Variants in CCSER1 observed in about 807,000 individuals in gnomAD.
CCSER1 encodes coiled-coil serine rich protein 1.
In CCSER1, 41 loss-of-function variants were observed where a neutral mutation model predicts 82.0. That is an observed-to-expected ratio of 0.50 (90% confidence interval 0.39 to 0.65). CCSER1 has a LOEUF of 0.65. Ranked by LOEUF, CCSER1 falls within the 30% of genes least tolerant of loss-of-function variation. CCSER1 has a pLI of 0.00. For missense variants in CCSER1, 1,119 were observed against 1,064.2 expected (o/e 1.05, Z -0.72); for synonymous variants, 414 against 383.9 (o/e 1.08, Z -0.92).
intron 9 of CCSER1, among the ~76,000 whole-genome samples, chr4:91,009,284 C>T (rs190800483): frequency 6.6e-5 from 10 of 152,284 alleles, no homozygotes; most frequent in South Asian, 4.1e-4. Context: ...GTTGCTGGCT[C>T]GAATGCCTAG....
At chr4:90,577,953 A>C (rs1241636984) in intron 5 of CCSER1, among the ~76,000 whole-genome samples, 1 of 152,110 alleles carries the variant, frequency 6.6e-6, no homozygotes, top group Non-Finnish European at 1.5e-5. Context: ...GTGAAGCTTC[A>C]TATTTTCAAA....
intron 9 of CCSER1, among the ~76,000 whole-genome samples, chr4:90,966,372 C>A (rs1581222590): frequency 6.6e-6 from 1 of 152,036 alleles, no homozygotes; most frequent in Admixed American, 6.6e-5. Flanking sequence ...ACTCATCACA[C>A]AAAAGTCTCC....
chr4:91,433,726 A>G (rs1754467004), intron 10 of CCSER1, among the ~76,000 whole-genome samples: 2 of 152,206 alleles, frequency 1.3e-5, no homozygotes, highest in South Asian at 4.1e-4. Flanking sequence ...GTGTAAGTAC[A>G]TCTTATGATA....
At chr4:90,626,622 G>C (rs1560837244) in intron 5 of CCSER1, among the ~76,000 whole-genome samples, 1 of 152,116 alleles carries the variant, frequency 6.6e-6, no homozygotes, top group Admixed American at 6.6e-5. Flanking sequence ...ATGCAGCACT[G>C]TTGTGGTTTA....
intron 5 of CCSER1, among the ~76,000 whole-genome samples, chr4:90,616,740 A>C (rs1055340138): frequency 8.1e-4 from 62 of 76,280 alleles, no homozygotes; most frequent in African/African-American, 3.0e-3. Context: ...CACACACACA[A>C]ATAAAATAAA....
At chr4:90,840,825 A>C (rs1056399693) in intron 8 of CCSER1, among the ~76,000 whole-genome samples, 1 of 152,062 alleles carries the variant, frequency 6.6e-6, no homozygotes, top group Non-Finnish European at 1.5e-5. Context: ...GGCATTTCTC[A>C]TCAGAGAGTA....
At chr4:91,280,769 A>G (rs1394676020) in intron 10 of CCSER1, among the ~76,000 whole-genome samples, 1 of 152,150 alleles carries the variant, frequency 6.6e-6, no homozygotes, top group Admixed American at 6.5e-5. Flanking sequence ...GGTTGCTGCC[A>G]ATGGCTCACA....
intron 9 of CCSER1, among the ~76,000 whole-genome samples, chr4:90,933,559 C>T (rs1730542519): frequency 1.3e-5 from 2 of 151,246 alleles, no homozygotes; most frequent in Admixed American, 6.6e-5. Flanking sequence ...ATTAACTTTT[C>T]TTTGCAGGAG....
chr4:91,141,004 A>T (rs182424103), intron 10 of CCSER1, among the ~76,000 whole-genome samples: 2 of 152,166 alleles, frequency 1.3e-5, no homozygotes, highest in Admixed American at 1.3e-4. Context: ...TACTGTTGCC[A>T]TGTTTATGGT....
intron 10 of CCSER1, among the ~76,000 whole-genome samples, chr4:91,590,394 C>T (rs1396144299): frequency 6.6e-6 from 1 of 152,156 alleles, no homozygotes; most frequent in Non-Finnish European, 1.5e-5. Context: ...GCAGTAACTA[C>T]TTCTTTACAC....
At chr4:90,838,006 C>T (rs1419246928) in intron 8 of CCSER1, among the ~76,000 whole-genome samples, 1 of 151,482 alleles carries the variant, frequency 6.6e-6, no homozygotes, top group Non-Finnish European at 1.5e-5. Flanking sequence ...TAATTTCTAG[C>T]ACATAGTAGC....
intron 9 of CCSER1, among the ~76,000 whole-genome samples, chr4:91,077,614 C>T (rs559088437): frequency 6.6e-6 from 1 of 152,138 alleles, no homozygotes; most frequent in African/African-American, 2.4e-5. Context: ...GCTTGCCAGA[C>T]AAATGGGTGC....
At chr4:90,543,789 T>C (rs747425511) in intron 5 of CCSER1, among the ~76,000 whole-genome samples, 1 of 152,198 alleles carries the variant, frequency 6.6e-6, no homozygotes, top group Non-Finnish European at 1.5e-5. Context: ...CAACTGGCCA[T>C]TTGCTCACTC....
intron 10 of CCSER1, among the ~76,000 whole-genome samples, chr4:91,147,438 G>A (rs754362098): frequency 2.6e-5 from 4 of 152,178 alleles, no homozygotes; most frequent in Non-Finnish European, 4.4e-5. Flanking sequence ...GCTGTTGCTG[G>A]CTAACACGCA....
intron 10 of CCSER1, among the ~76,000 whole-genome samples, chr4:91,594,508 C>G (rs1346952528): frequency 6.7e-6 from 1 of 149,856 alleles, no homozygotes; most frequent in East Asian, 1.9e-4. Flanking sequence ...TCAGATCTAT[C>G]TATATCTATC....
chr4:90,243,078 TTTTA>T (rs1244256524), intron 1 of CCSER1, among the ~76,000 whole-genome samples: 28 of 142,310 alleles, frequency 2.0e-4, no homozygotes, highest in African/African-American at 7.6e-4. Context: ...TTTTTTTTTT[TTTTA>T]AAATAGGATC....
chr4:90,332,569 GAAGTTAGATGGATT>G (rs1375689614), intron 3 of CCSER1, among the ~76,000 whole-genome samples: 13 of 152,110 alleles, frequency 8.5e-5, no homozygotes, highest in African/African-American at 3.1e-4. Flanking sequence ...TAGTTACAAG[GAAGTTAGATGGATT>G]AAGTAAAGAA....
chr4:91,441,337 A>T lies in CCSER1; in HGVS notation c.2218-157235A>T, dbSNP rs559594534. Reference sequence around the variant, plus strand: ...CAATATACACAAAACAATAAATGTAACCCAGCATATAAACAGAACCAAAGA... The same window carrying T: ...CAATATACACAAAACAATAAATGTATCCCAGCATATAAACAGAACCAAAGA... On this transcript the variant is annotated intron_variant, in intron 10 of 10. Coordinates refer to ENST00000509176, the MANE Select transcript of CCSER1 (RefSeq NM_001145065.2). Among the ~76,000 whole-genome samples, 18 of 152,336 alleles carry T rather than the reference A, an allele frequency of 1.2e-4. No individual in the cohort carries two copies. The East Asian group carries it at 3.3e-3, about 28-fold the overall frequency.
intron 10 of CCSER1, among the ~76,000 whole-genome samples, chr4:91,168,489 G>A (rs1425592876): frequency 6.8e-6 from 1 of 148,070 alleles, no homozygotes; most frequent in East Asian, 2.1e-4. Context: ...GCCCCGTCTG[G>A]GAAGCAGGGA....
Sources: allele counts gnomAD v4.1 joint callset (sites outside exome capture counted in the v4.1 genomes callset), GRCh38; gene constraint gnomAD v4.1.1; transcripts MANE v1.5; gene names NCBI Gene and HGNC (gene_info 2026-07-23, HGNC 2026-07-21).